Variants in DUSP26 observed in about 807,000 individuals in gnomAD.
The protein encoded by DUSP26 is dual specificity phosphatase 26, also known as dual specificity protein phosphatase 26.
DUSP26 carries 12 observed loss-of-function variants against 20.0 expected under a neutral mutation model. The ratio of observed to expected loss-of-function variants is 0.60; its 90% CI spans 0.38 to 0.97. The LOEUF (loss-of-function observed/expected upper bound fraction) is 0.97, where lower values mean the gene tolerates loss of function less well. Ranked by LOEUF, DUSP26 falls within the 50% of genes least tolerant of loss-of-function variation. The pLI, the probability that DUSP26 is intolerant of heterozygous loss-of-function variation, is 0.00. For missense variants in DUSP26, 230 were observed against 294.0 expected (o/e 0.78, Z 1.59); for synonymous variants, 120 against 118.8 (o/e 1.01, Z -0.06).
At chr8:33,593,860 G>A (rs1407548690) in intron 2 of DUSP26, 113 bp from the exon 3 acceptor site, 7 of 1,231,892 alleles carry the variant, frequency 5.7e-6, no homozygotes, top group African/African-American at 3.0e-5. Flanking sequence ...TTTTTGAGAT[G>A]GAGTCTCGCT....
Position 33,592,136 on chromosome 8 carries a change from G to A in DUSP26, c.513C>T (p.His171=). The A allele has an allele frequency of 6.2e-7, 1 of 1,614,112 alleles. No homozygotes were observed. Among genetic ancestry groups the A allele is most frequent in the Non-Finnish European group, 8.5e-7 (1 of 1,180,016 alleles). The change falls in exon 4 of 4, where the codon CAC becomes CAT. Residue 171 remains histidine, a synonymous_variant. Coordinates refer to ENST00000256261, the MANE Select transcript of DUSP26 (RefSeq NM_024025.3). ...TLVLAYLMLY[H]HLTLVEAIKK... ...TGATGGCCTCCACGAGGGTAAGGTG[G>A]TGGTACAGCATGAGGTAGGCCAGTA... is the stretch of plus-strand genomic sequence containing the variant.
chr8:33,598,039 AAG>A (rs1270830664), intron 1 of DUSP26, among the ~76,000 whole-genome samples: 1 of 152,038 alleles, frequency 6.6e-6, no homozygotes, highest in Non-Finnish European at 1.5e-5. Flanking sequence ...GACCCATCCA[AAG>A]AGAATTAGCA....
At chr8:33,596,975 AT>A (rs1811159400) in intron 2 of DUSP26, among the ~76,000 whole-genome samples, 1 of 152,124 alleles carries the variant, frequency 6.6e-6, no homozygotes, top group South Asian at 2.1e-4. Flanking sequence ...TTATTTTAAA[AT>A]AATAAGTAGA....
rs1811171549 is a variant in DUSP26 at position 33,597,336 on chromosome 8, G to A, written c.180C>T (p.Asn60=). The A allele has an allele frequency of 6.2e-7, 1 of 1,613,724 alleles. No homozygotes were observed. The highest frequency in any genetic ancestry group is 8.5e-7 in the Non-Finnish European group (1 of 1,180,006). ...RLLYTGKTAC[N]HADEVWPGLY... is the part of the protein sequence containing the mutation. Reference sequence around the variant, plus strand: ...GGCCTGGCCAGACCTCGTCGGCATGGTTACAGGCTGTCTTGCCTGTGTAGA... The same window carrying A: ...GGCCTGGCCAGACCTCGTCGGCATGATTACAGGCTGTCTTGCCTGTGTAGA... The change falls in exon 2 of 4, where the codon AAC becomes AAT. Residue 60 remains asparagine (N), a synonymous_variant. Transcript: ENST00000256261.
At chr8:33,599,354 C>T (rs1352147530) in intron 1 of DUSP26, among the ~76,000 whole-genome samples, 1 of 152,204 alleles carries the variant, frequency 6.6e-6, no homozygotes, top group African/African-American at 2.4e-5. Context: ...GCAGAAGCCC[C>T]TTTCTGTCCA....
intron 2 of DUSP26, among the ~76,000 whole-genome samples, chr8:33,595,728 A>G (rs557935281): frequency 2.0e-5 from 3 of 151,820 alleles, no homozygotes; most frequent in Admixed American, 6.6e-5. Flanking sequence ...TCCGGCCCAG[A>G]CCCCTCAGCT....
At chr8:33,592,251 G>T (rs953381816) in intron 3 of DUSP26, 39 bp from the exon 4 acceptor site, 3 of 1,530,552 alleles carry the variant, frequency 2.0e-6, no homozygotes, top group Non-Finnish European at 2.6e-6. Flanking sequence ...GAGACTGCTT[G>T]TGGCAGCTTG....
chr8:33,594,319 G>A (rs558582060), intron 2 of DUSP26, among the ~76,000 whole-genome samples: 41 of 151,998 alleles, frequency 2.7e-4, no homozygotes, highest in African/African-American at 8.9e-4. Context: ...GCGGCCGGGC[G>A]CGGTGGCTCA....
chr8:33,598,024 C>T (rs1411457857), intron 1 of DUSP26, among the ~76,000 whole-genome samples: 1 of 151,940 alleles, frequency 6.6e-6, no homozygotes, highest in African/African-American at 2.4e-5. Context: ...TTGGGGGTAC[C>T]TTTAGACCCA....
intron 2 of DUSP26, among the ~76,000 whole-genome samples, chr8:33,596,996 TG>T (rs1365071084): frequency 9.9e-5 from 15 of 152,184 alleles, no homozygotes; most frequent in Non-Finnish European, 2.1e-4. Context: ...AGATGGGGTC[TG>T]GTTTTGTTGC....
At chr8:33,592,423 C>G (rs1161268625) in intron 3 of DUSP26, among the ~76,000 whole-genome samples, 1 of 149,954 alleles carries the variant, frequency 6.7e-6, no homozygotes, top group Non-Finnish European at 1.5e-5. Context: ...ATACAAAAAT[C>G]AACTGGGCGT....
chr8:33,595,596 G>T (rs557166340), intron 2 of DUSP26, among the ~76,000 whole-genome samples: 3 of 151,868 alleles, frequency 2.0e-5, no homozygotes, highest in Non-Finnish European at 4.4e-5. Flanking sequence ...GGCCAGGCTG[G>T]TCTTGAACTC....
At position 33,599,888 on chromosome 8, in the gene DUSP26, C is replaced by G. The variant is rs1203349483; in HGVS notation, c.-300G>C. The G allele has an allele frequency of 6.6e-6, 1 of 152,176 alleles. No individual in the cohort carries two copies. The highest frequency in any genetic ancestry group is 1.5e-5 in the Non-Finnish European group (1 of 68,040). The allele number at this position is 152,176 out of a possible 1,614,324, so 9.4% of individuals were successfully genotyped here. ...GGACTCGGTCTCACATTCGGTGGCC[C>G]GAGTCGCCAGGCAGCGTGGGCTCCC... On this transcript the variant is annotated 5_prime_UTR_variant, in exon 1 of 4. Coordinates refer to ENST00000256261, the MANE Select transcript of DUSP26 (RefSeq NM_024025.3).
chr8:33,593,054 C>T lies in DUSP26; in HGVS notation c.436+479G>A, dbSNP rs191635539. ...TGGGAGGCCGAGGCGGGTGGATCAC[C>T]TGAGGTCAGGAGTTCAGGACCAGCC... On this transcript the variant is annotated intron_variant, in intron 3 of 3. Transcript: ENST00000256261. Among the ~76,000 whole-genome samples, 727 of 152,142 alleles carry T rather than the reference C, an allele frequency of 4.8e-3. 6 individuals carry two copies. Among genetic ancestry groups the T allele is most frequent in the African/African-American group, 0.017 (686 of 41,526 alleles).
intron 3 of DUSP26, among the ~76,000 whole-genome samples, chr8:33,592,538 C>CAAAAAAAAA (rs745687703): frequency 4.2e-5 from 1 of 23,764 alleles, no homozygotes; most frequent in African/African-American, 1.7e-4. Flanking sequence ...AACCCCATCT[C>CAAAAAAAAA]AAAAAAAAAA....
chr8:33,597,550 G>A lies in DUSP26; in HGVS notation c.-35C>T. On this transcript the variant is annotated 5_prime_UTR_variant, in exon 2 of 4. Transcript: ENST00000256261. ...GGCAGAAACCGTGGCAGCTGCAGGA[G>A]TGGCTGTGGTGATGATGGGTTCAGT... 1.3e-6 allele frequency: 2 copies of A among 1,569,512 alleles called. No homozygotes were observed. Among genetic ancestry groups the A allele is most frequent in the Admixed American group, 1.8e-5 (1 of 56,840 alleles).
intron 2 of DUSP26, among the ~76,000 whole-genome samples, chr8:33,596,063 C>A (rs540208761): frequency 1.3e-5 from 2 of 151,592 alleles, no homozygotes; most frequent in Non-Finnish European, 2.9e-5. Context: ...GCAGGTGGAT[C>A]ACTTGAGGCC....
At chr8:33,593,279 CAAAAA>C (rs1563378786) in intron 3 of DUSP26, among the ~76,000 whole-genome samples, 1 of 151,974 alleles carries the variant, frequency 6.6e-6, no homozygotes, top group East Asian at 1.9e-4. Flanking sequence ...CTCAAAAAAA[CAAAAA>C]AGAAAAAGTC....
intron 2 of DUSP26, among the ~76,000 whole-genome samples, chr8:33,595,368 T>TTGTTGG (rs1811118743): frequency 6.6e-6 from 1 of 150,384 alleles, no homozygotes; most frequent in East Asian, 2.0e-4. Context: ...TTTGTTGTTG[T>TTGTTGG]TGTTGTTGTT....
Sources: gnomAD v4.1 joint callset for allele counts (sites outside exome capture counted in the v4.1 genomes callset) on GRCh38, gnomAD v4.1.1 for gene constraint, MANE v1.5 for transcripts, NCBI Gene and HGNC (gene_info 2026-07-23, HGNC 2026-07-21) for gene names.